The following DIDO1 variants were observed in gnomAD, a reference collection of about 807,000 sequenced individuals.
DIDO1 encodes death inducer-obliterator 1.
DIDO1 carries 16 observed loss-of-function variants against 99.4 expected under a neutral mutation model. The observed-to-expected ratio is 0.16, with a 90% CI of 0.11 to 0.24. DIDO1 has a LOEUF of 0.24. Among genes scored for constraint, DIDO1 ranks in the 10% least tolerant of loss-of-function variants. The pLI is 1.00. For missense variants in DIDO1, 2,996 were observed against 3,014.0 expected (o/e 0.99, Z 0.14); for synonymous variants, 1,366 against 1,239.1 (o/e 1.10, Z -2.15).
upstream of DIDO1, among the ~76,000 whole-genome samples, chr20:62,930,214 C>CA (rs1332006513): frequency 4.7e-5 from 6 of 127,414 alleles, no homozygotes; most frequent in South Asian, 7.9e-4. Context: ...AAGAAACAAA[C>CA]AAACAAAAAA....
chr20:62,880,486 T>C lies in DIDO1; in HGVS notation c.5470A>G (p.Arg1824Gly). ...QHGPPPYGDS[R>G]GPSPSYLGGP... Reference sequence around the variant, plus strand: ...CCAAGGTAAGAGGGTGAGGGGCCTCTGCTGTCCCCATAAGGAGGTGGCCCA... The same window carrying C: ...CCAAGGTAAGAGGGTGAGGGGCCTCCGCTGTCCCCATAAGGAGGTGGCCCA... The change falls in exon 16 of 16, where the codon AGA becomes GGA. Residue 1824 changes from arginine (R) to glycine (G), a missense_variant. By Grantham distance (125) the Arg-to-Gly change is moderately radical. Coordinates refer to ENST00000395343, the MANE Select transcript of DIDO1 (RefSeq NM_001193369.2). 2.5e-6 allele frequency: 4 copies of C among 1,612,988 alleles called. No homozygotes were observed. The highest frequency in any genetic ancestry group is 2.2e-5 in the East Asian group (1 of 44,868).
chr20:62,879,635 G>T lies in DIDO1; in HGVS notation c.6321C>A (p.Gly2107=), dbSNP rs1381704627. ...EKPLEEPDAQ[G]RASEDRRRER... ...CTCTCCTCCTGTCCTCGGACGCCCG[G>T]CCCTGGGCGTCGGGCTCCTCCAGCG... Residue 2107 remains glycine, a synonymous_variant, in exon 16 of 16, where the codon GGC becomes GGA. Transcript: ENST00000395343. The surrounding 1 kb of genome is among the most constrained non-coding windows in gnomAD (Gnocchi z 6.3). The T allele has an allele frequency of 1.2e-6, 2 of 1,606,334 alleles. No homozygotes were observed. Among genetic ancestry groups the T allele is most frequent in the South Asian group, 1.1e-5 (1 of 91,086 alleles).
In DIDO1 at chr20:62,911,493, T is replaced by G. The variant is rs762722062; in HGVS notation, c.120A>C (p.Ala40=). The change falls in exon 3 of 16, where the codon GCA becomes GCC. Residue 40 remains alanine (A), a synonymous_variant. Coordinates refer to ENST00000395343, the MANE Select transcript of DIDO1 (RefSeq NM_001193369.2). The surrounding 1 kb of genome is among the most constrained non-coding windows in gnomAD (Gnocchi z 7.0). ...CCAGTGGGTCAGCCTCCGCGTCCCC[T>G]GCGCCCTCTCGCTTGGCGATAGTGG... The part of the protein sequence containing the change: ...RRTTIAKREG[A]GDAEADPLEP... The G allele has an allele frequency of 2.5e-6, 4 of 1,612,694 alleles. No homozygotes were observed. Among genetic ancestry groups the G allele is most frequent in the Non-Finnish European group, 3.4e-6 (4 of 1,179,456 alleles).
intron 1 of DIDO1, among the ~76,000 whole-genome samples, chr20:62,921,494 G>C (rs2065135244): frequency 6.6e-6 from 1 of 152,138 alleles, no homozygotes; most frequent in Non-Finnish European, 1.5e-5. Context: ...CTCTCATTCA[G>C]TTTCATGTGA....
chr20:62,919,036 T>C (rs1196636758), intron 1 of DIDO1, among the ~76,000 whole-genome samples: 1 of 152,172 alleles, frequency 6.6e-6, no homozygotes. Context: ...TCATGTACCA[T>C]GATGGCCCAC....
At chr20:62,897,328 C>A (rs536541696) in intron 6 of DIDO1, among the ~76,000 whole-genome samples, 3 of 152,352 alleles carry the variant, frequency 2.0e-5, no homozygotes, top group South Asian at 2.1e-4. Context: ...TTCCTATCAT[C>A]ACTTTTTAAA....
chr20:62,892,444 G>A (rs1395649965), intron 13 of DIDO1, among the ~76,000 whole-genome samples: 4 of 152,156 alleles, frequency 2.6e-5, no homozygotes, highest in Admixed American at 1.3e-4. Context: ...GGCCTGCCAC[G>A]GGGTCATATG....
chr20:62,916,382 T>C (rs929680555), intron 1 of DIDO1, among the ~76,000 whole-genome samples: 1 of 152,210 alleles, frequency 6.6e-6, no homozygotes, highest in African/African-American at 2.4e-5. Context: ...TGAGCGGCGA[T>C]TCAAGCAGAG....
chr20:62,890,930 C>T (rs371904811), intron 15 of DIDO1, 30 bp downstream of exon 15: 27 of 1,612,518 alleles, frequency 1.7e-5, no homozygotes, highest in African/African-American at 2.7e-5. Context: ...GCAGGTGGGC[C>T]TCACCTCCAC....
intron 15 of DIDO1, among the ~76,000 whole-genome samples, chr20:62,882,953 C>T (rs922260843): frequency 8.8e-6 from 1 of 113,184 alleles, no homozygotes; most frequent in South Asian, 3.1e-4. Flanking sequence ...GATGGAGTGT[C>T]GCTCTGTTGC....
rs1397890074 is a variant in DIDO1 at position 62,881,002 on chromosome 20, C to T, written c.4954G>A (p.Ala1652Thr). Reference protein sequence around the residue: ...TRPATVGDSSARPARRVLLPT... With the variant: ...TRPATVGDSSTRPARRVLLPT... Reference sequence around the variant, plus strand: ...AGCAGCACCCTCCGGGCAGGCCTGGCCGAGCTGTCTCCAACCGTGGCGGGG... The same window carrying T: ...AGCAGCACCCTCCGGGCAGGCCTGGTCGAGCTGTCTCCAACCGTGGCGGGG... Residue 1652 changes from alanine to threonine, a missense_variant, in exon 16 of 16, where the codon GCC becomes ACC. Around this residue, in one of 5 missense-constraint regions of DIDO1, gnomAD observed 1,562 missense variants for 1,412.6 expected, o/e 1.11. Coordinates refer to ENST00000395343, the MANE Select transcript of DIDO1 (RefSeq NM_001193369.2). The surrounding 1 kb of genome is among the most constrained non-coding windows in gnomAD (Gnocchi z 8.3). The T allele has an allele frequency of 1.2e-6, 2 of 1,605,796 alleles. No individual in the cohort carries two copies. Among genetic ancestry groups the T allele is most frequent in the South Asian group, 2.2e-5 (2 of 90,908 alleles).
rs1382044780 is a variant in DIDO1, at chr20:62,911,871, T to C, written c.-2-257A>G. Among the ~76,000 whole-genome samples the C allele has an allele frequency of 1.3e-5, 2 of 152,248 alleles. No homozygotes were observed. Among genetic ancestry groups the C allele is most frequent in the Non-Finnish European group, 2.9e-5 (2 of 68,046 alleles). ...ACAAATCAAATGTACAATTTCATCA[T>C]TTAACTGCTCAGGACAAGGCTTCAC... On this transcript the variant is annotated intron_variant, in intron 2 of 15. Coordinates refer to ENST00000395343, the MANE Select transcript of DIDO1 (RefSeq NM_001193369.2). The surrounding 1 kb of genome is among the most constrained non-coding windows in gnomAD (Gnocchi z 7.0).
rs1291320900 is a variant in DIDO1, at chr20:62,893,759, A to C, written c.3008T>G (p.Leu1003Trp). Residue 1003 changes from leucine (L) to tryptophan (W), a missense_variant, in exon 12 of 16, where the codon TTG becomes TGG. Physicochemically the swap from Leu to Trp is moderately conservative, Grantham distance 61 (BLOSUM62 -2). Transcript: ENST00000395343. ...EARQDVPKPV[L>W]TSVMVPKSIL... The stretch of plus-strand genomic sequence containing the variant: ...GGACTTGGGCACCATCACAGAAGTC[A>C]AGACAGGCTTCGGCACATCCTGTCT... 6.2e-7 allele frequency: 1 copy of C among 1,614,116 alleles called. No homozygotes were observed. The highest frequency in any genetic ancestry group is 1.7e-5 in the Admixed American group (1 of 60,012).
In DIDO1 at chr20:62,880,447, C is replaced by G; in HGVS notation, c.5509G>C (p.Val1837Leu). ...CGTTCTTCAAATTGGGATGGTGCCA[C>G]TCCTCGTGGTCCACCAAGGTAAGAG... ...SPSYLGGPRG[V>L]APSQFEERKD... Residue 1837 changes from valine to leucine, a missense_variant, in exon 16 of 16, where the codon GTG becomes CTG. By Grantham distance (32) the Val-to-Leu change is conservative. Transcript: ENST00000395343. 6.2e-7 allele frequency: 1 copy of G among 1,612,946 alleles called. No individual in the cohort carries two copies. Among genetic ancestry groups the G allele is most frequent in the Non-Finnish European group, 8.5e-7 (1 of 1,180,028 alleles).
intron 1 of DIDO1, among the ~76,000 whole-genome samples, chr20:62,935,391 CA>C (rs1198793941): frequency 2.0e-5 from 3 of 152,154 alleles, no homozygotes; most frequent in African/African-American, 7.2e-5. Flanking sequence ...TGAAGCTTAC[CA>C]TTTTATGCTG....
At chr20:62,890,325 G>C (rs2064371948) in intron 15 of DIDO1, 1 of 986,096 alleles carries the variant, frequency 1.0e-6, no homozygotes, top group East Asian at 1.1e-4. Flanking sequence ...CACTAACAGA[G>C]CACGTGGCCC....
At chr20:62,917,959 T>G (rs1568880884) in intron 1 of DIDO1, among the ~76,000 whole-genome samples, 1 of 152,236 alleles carries the variant, frequency 6.6e-6, no homozygotes, top group Non-Finnish European at 1.5e-5. Flanking sequence ...CAAAGAACTG[T>G]GGCAACATGC....
At chr20:62,883,857 T>C (rs991916141) in intron 15 of DIDO1, among the ~76,000 whole-genome samples, 2 of 150,604 alleles carry the variant, frequency 1.3e-5, no homozygotes, top group Admixed American at 6.6e-5. Flanking sequence ...AAACAAAAAT[T>C]AGCCAGGCGT....
chr20:62,907,212 G>T lies in DIDO1; in HGVS notation c.1309C>A (p.Pro437Thr), dbSNP rs750833577. ...ATCTTCATCTTTTCTTTAGGCTTTG[G>T]CTTCTGTTCTTTACCTGAGCTTAGA... Reference protein sequence around the residue: ...KFLSSGKEQKPKPKEKMKMKP... With the variant: ...KFLSSGKEQKTKPKEKMKMKP... Residue 437 changes from proline (P) to threonine (T), a missense_variant, in exon 5 of 16, where the codon CCA (proline) becomes ACA (threonine). Pro to Thr is a conservative substitution (Grantham distance 38, BLOSUM62 -1). Around this residue, in one of 5 missense-constraint regions of DIDO1, gnomAD observed 898 missense variants for 972.7 expected, o/e 0.92. Transcript: ENST00000395343. 2 of 1,614,226 alleles carry T rather than the reference G, an allele frequency of 1.2e-6. No homozygotes were observed. Among genetic ancestry groups the T allele is most frequent in the Admixed American group, 1.7e-5 (1 of 60,030 alleles).
Sources: allele counts gnomAD v4.1 joint callset (sites outside exome capture counted in the v4.1 genomes callset), GRCh38; gene constraint gnomAD v4.1.1; regional missense constraint gnomAD v4.1.1; non-coding constraint Gnocchi (gnomAD v3.1); transcripts MANE v1.5; gene names NCBI Gene and HGNC (gene_info 2026-07-23, HGNC 2026-07-21).